ENOPH1: variants seen among roughly 807,000 people sequenced by gnomAD.
The protein encoded by ENOPH1 is enolase-phosphatase 1, also known as enolase-phosphatase E1.
ENOPH1 carries 14 observed loss-of-function variants against 31.1 expected under a neutral mutation model. The ratio of observed to expected loss-of-function variants is 0.45; its 90% confidence interval spans 0.30 to 0.70. The LOEUF (loss-of-function observed/expected upper bound fraction) is 0.70, where lower values mean the gene tolerates loss of function less well. Among genes scored for constraint, ENOPH1 ranks in the 30% least tolerant of loss-of-function variants. ENOPH1 has a pLI of 0.09. For synonymous variants in ENOPH1, 127 were observed against 123.2 expected (o/e 1.03, Z -0.21); for missense variants, 243 against 321.5 (o/e 0.76, Z 1.87).
intron 1 of ENOPH1, among the ~76,000 whole-genome samples, chr4:82,432,063 G>A (rs187021296): frequency 1.3e-5 from 2 of 152,148 alleles, no homozygotes; most frequent in East Asian, 3.9e-4. Flanking sequence ...ACTGAAGGGA[G>A]AGCCACCATG....
intron 1 of ENOPH1, among the ~76,000 whole-genome samples, chr4:82,434,720 AG>A (rs201426543): frequency 1.5e-4 from 23 of 151,810 alleles, no homozygotes; most frequent in African/African-American, 5.1e-4. Flanking sequence ...TCTCAAAAAA[AG>A]AAAAGAAAAG....
In ENOPH1 at chr4:82,451,249, T is replaced by C. The variant is rs769938841; in HGVS notation, c.389+4T>C. 3 of 1,613,938 alleles carry C rather than the reference T, an allele frequency of 1.9e-6. No homozygotes were observed. The East Asian group carries it at 6.7e-5, about 36-fold the overall frequency. On this transcript the variant is annotated splice_donor_region_variant and intron_variant, in intron 3 of 5. Coordinates refer to ENST00000273920, the MANE Select transcript of ENOPH1 (RefSeq NM_021204.5). ...CAGCTGGGCGCATGAAAGCAGAGTA[T>C]GTGCTTGAGTCAGCCTAAACATTTC...
chr4:82,458,281 T>C (rs927244710), intron 5 of ENOPH1, among the ~76,000 whole-genome samples: 2 of 151,950 alleles, frequency 1.3e-5, no homozygotes, highest in Non-Finnish European at 2.9e-5. Context: ...CCAAGGTGGG[T>C]GGATCATTTG....
At chr4:82,446,386 C>A (rs1161880917) in intron 1 of ENOPH1, among the ~76,000 whole-genome samples, 1 of 151,428 alleles carries the variant, frequency 6.6e-6, no homozygotes, top group Non-Finnish European at 1.5e-5. Flanking sequence ...CTCACCACTG[C>A]ACTCCAGCCT....
intron 5 of ENOPH1, among the ~76,000 whole-genome samples, chr4:82,459,429 C>T (rs546900698): frequency 4.0e-4 from 61 of 152,252 alleles, no homozygotes; most frequent in African/African-American, 1.4e-3. Context: ...GTAGCTGGGA[C>T]TACAGGCACA....
chr4:82,438,664 G>A (rs543253398), intron 1 of ENOPH1, among the ~76,000 whole-genome samples: 185 of 152,122 alleles, frequency 1.2e-3, no homozygotes, highest in Non-Finnish European at 2.3e-3. Context: ...TGGCGTGATC[G>A]AAAAAATAAC....
At chr4:82,448,265 T>C (rs1449296745) in intron 2 of ENOPH1, among the ~76,000 whole-genome samples, 1 of 132,136 alleles carries the variant, frequency 7.6e-6, no homozygotes, top group South Asian at 2.2e-4. Context: ...TGTTTTGTTT[T>C]TTTTGTTTTT....
intron 1 of ENOPH1, among the ~76,000 whole-genome samples, chr4:82,434,530 A>G (rs1348823236): frequency 6.6e-6 from 1 of 152,162 alleles, no homozygotes; most frequent in African/African-American, 2.4e-5. Context: ...CCTGGTCAAC[A>G]TGGTGAAACC....
intron 1 of ENOPH1, among the ~76,000 whole-genome samples, chr4:82,438,056 GA>G (rs1275575016): frequency 6.6e-6 from 1 of 152,168 alleles, no homozygotes; most frequent in Non-Finnish European, 1.5e-5. Flanking sequence ...TGTCATAAAA[GA>G]GAAAATTTTA....
intron 1 of ENOPH1, among the ~76,000 whole-genome samples, chr4:82,436,997 C>T (rs116502551): frequency 8.5e-5 from 13 of 152,072 alleles, no homozygotes; most frequent in East Asian, 7.7e-4. Context: ...CCCTGTAATC[C>T]GAACACTTTG....
intron 1 of ENOPH1, among the ~76,000 whole-genome samples, chr4:82,435,872 C>T (rs1721891960): frequency 1.3e-5 from 2 of 152,062 alleles, no homozygotes; most frequent in South Asian, 2.1e-4. Flanking sequence ...CTTTTTCATC[C>T]GCAGGGATGG....
At position 82,433,810 on chromosome 4, in the gene ENOPH1, A is replaced by G. The variant is rs1271137814; in HGVS notation, c.84+2897A>G. On this transcript the variant is annotated intron_variant, in intron 1 of 5. Transcript: ENST00000273920. ...TCTACTTGAACAAAAAACTTTTAGTAGAGTATCTCAGTGACTAATCTTTTA... is the reference window on the plus strand; with the variant it reads ...TCTACTTGAACAAAAAACTTTTAGTGGAGTATCTCAGTGACTAATCTTTTA... Among the ~76,000 whole-genome samples the G allele has an allele frequency of 3.3e-5, 5 of 152,380 alleles. No homozygotes were observed. In the East Asian group the frequency reaches 9.6e-4, roughly 29 times the overall value.
intron 3 of ENOPH1, among the ~76,000 whole-genome samples, chr4:82,454,067 AG>A (rs1326324843): frequency 5.8e-5 from 7 of 121,440 alleles, no homozygotes; most frequent in Non-Finnish European, 1.0e-4. Flanking sequence ...AAAAAAAAAA[AG>A]CTGGGGGTGG....
At chr4:82,453,315 A>C (rs190925196) in intron 3 of ENOPH1, among the ~76,000 whole-genome samples, 2 of 152,222 alleles carry the variant, frequency 1.3e-5, no homozygotes, top group Non-Finnish European at 2.9e-5. Flanking sequence ...TTGTTTCTTT[A>C]TTTATGTACT....
At chr4:82,453,564 T>G (rs1256765441) in intron 3 of ENOPH1, among the ~76,000 whole-genome samples, 2 of 152,234 alleles carry the variant, frequency 1.3e-5, no homozygotes, top group Admixed American at 1.3e-4. Flanking sequence ...ATAACATACT[T>G]ACATGTGTAC....
intron 1 of ENOPH1, among the ~76,000 whole-genome samples, chr4:82,445,500 G>A (rs371468118): frequency 1.5e-4 from 23 of 152,266 alleles, no homozygotes; most frequent in African/African-American, 5.3e-4. Context: ...TTGTTACCCA[G>A]GGTGGAGTGC....
rs530947633 is a variant in ENOPH1 at position 82,443,525 on chromosome 4, G to A, written c.85-4395G>A. Among the ~76,000 whole-genome samples the A allele has an allele frequency of 3.3e-5, 5 of 151,588 alleles. No homozygotes were observed. In the East Asian group the frequency reaches 5.9e-4, roughly 18 times the overall value. On this transcript the variant is annotated intron_variant, in intron 1 of 5. Transcript: ENST00000273920. Reference sequence around the variant, plus strand: ...TGGCAGATCACGAGGTCAGGAGATCGAGGCCATCCTGGTTAACATGGTGAA... The same window carrying A: ...TGGCAGATCACGAGGTCAGGAGATCAAGGCCATCCTGGTTAACATGGTGAA...
At chr4:82,431,901 A>G (rs1206072900) in intron 1 of ENOPH1, among the ~76,000 whole-genome samples, 7 of 151,600 alleles carry the variant, frequency 4.6e-5, no homozygotes, top group Non-Finnish European at 5.9e-5. Context: ...AAAAAAAATT[A>G]TCTGTGAATA....
chr4:82,454,375 A>G (rs1220478718), intron 3 of ENOPH1, among the ~76,000 whole-genome samples: 1 of 152,212 alleles, frequency 6.6e-6, no homozygotes, highest in African/African-American at 2.4e-5. Flanking sequence ...GAAGAACATC[A>G]AAGATTATAT....
Sources: gnomAD v4.1 joint callset for allele counts (sites outside exome capture counted in the v4.1 genomes callset) on GRCh38, gnomAD v4.1.1 for gene constraint, MANE v1.5 for transcripts, NCBI Gene and HGNC (gene_info 2026-07-23, HGNC 2026-07-21) for gene names.